The following EML4 variants were observed in gnomAD, a reference collection of about 807,000 sequenced individuals.
EML4 encodes echinoderm microtubule-associated protein-like 4.
EML4 carries 72 observed loss-of-function variants against 129.0 expected under a neutral mutation model. The observed-to-expected ratio is 0.56, with a 90% CI of 0.46 to 0.68. The LOEUF (loss-of-function observed/expected upper bound fraction) is 0.68. Ranked by LOEUF, EML4 falls within the 30% of genes least tolerant of loss-of-function variation. The pLI, the probability that EML4 is intolerant of heterozygous loss-of-function variation, is 0.00. For missense variants in EML4, 1,363 were observed against 1,190.6 expected (o/e 1.14, Z -2.13); for synonymous variants, 532 against 405.0 (o/e 1.31, Z -3.77).
chr2:42,177,039 C>T lies in EML4; in HGVS notation c.25+7403C>T, dbSNP rs533050241. ...AACTCCTGACCTCAAGTGATCTGCC[C>T]GCTGAGGCCTCCCAGAGTGCTGGGG... On this transcript the variant is annotated intron_variant, in intron 1 of 22. Coordinates refer to ENST00000318522, the MANE Select transcript of EML4 (RefSeq NM_019063.5). 1.7e-3 allele frequency among the ~76,000 whole-genome samples: 255 copies of T among 152,196 alleles called. 1 individual carries two copies. The highest frequency in any genetic ancestry group is 5.5e-3 in the African/African-American group (229 of 41,528).
intron 9 of EML4, chr2:42,285,982 T>G (rs932116496): frequency 4.1e-5 from 16 of 390,238 alleles, no homozygotes; most frequent in Non-Finnish European, 7.1e-5. Context: ...TAAATGATAA[T>G]TATAATAGTG....
intron 6 of EML4, among the ~76,000 whole-genome samples, chr2:42,266,981 C>A (rs904594964): frequency 6.6e-6 from 1 of 152,114 alleles, no homozygotes; most frequent in African/African-American, 2.4e-5. Context: ...TAAAACTTAA[C>A]CTACATGTAG....
chr2:42,190,204 A>G (rs1436912924), intron 1 of EML4, among the ~76,000 whole-genome samples: 1 of 152,186 alleles, frequency 6.6e-6, no homozygotes, highest in Non-Finnish European at 1.5e-5. Flanking sequence ...TGTTATCTAT[A>G]TTCTCTTTTG....
Position 42,301,222 on chromosome 2 carries a change from T to C in EML4, c.1490-19T>C. On this transcript the variant is annotated intron_variant, in intron 13 of 22. Coordinates refer to ENST00000318522, the MANE Select transcript of EML4 (RefSeq NM_019063.5). Reference sequence around the variant, plus strand: ...AGAAAAGTATTATCACTAGTGTTTTTATTTTTCCCTCATATTAGGTGTATA... The same window carrying C: ...AGAAAAGTATTATCACTAGTGTTTTCATTTTTCCCTCATATTAGGTGTATA... The C allele has an allele frequency of 2.5e-6, 4 of 1,597,532 alleles. No individual in the cohort carries two copies. The highest frequency in any genetic ancestry group is 3.4e-6 in the Non-Finnish European group (4 of 1,173,492).
At chr2:42,178,421 G>C (rs566882635) in intron 1 of EML4, among the ~76,000 whole-genome samples, 8 of 152,060 alleles carry the variant, frequency 5.3e-5, no homozygotes, top group African/African-American at 1.9e-4. Flanking sequence ...ACGTGGTGGT[G>C]CATGCCCAGC....
At chr2:42,251,588 TC>T (rs1675771317) in intron 2 of EML4, among the ~76,000 whole-genome samples, 1 of 152,232 alleles carries the variant, frequency 6.6e-6, no homozygotes, top group Non-Finnish European at 1.5e-5. Context: ...GTACATGTAG[TC>T]CTCAATCTTC....
chr2:42,312,622 C>T (rs189352095), intron 17 of EML4, among the ~76,000 whole-genome samples: 232 of 151,704 alleles, frequency 1.5e-3, no homozygotes, highest in African/African-American at 5.0e-3. Context: ...GGCGCAATCT[C>T]GGCTCACTGC....
intron 3 of EML4, among the ~76,000 whole-genome samples, chr2:42,258,922 C>T (rs370662133): frequency 1.3e-5 from 2 of 152,134 alleles, no homozygotes; most frequent in Non-Finnish European, 2.9e-5. Flanking sequence ...TGATTATAAT[C>T]GAATTACAAA....
rs1667797397 is a variant in EML4, at chr2:42,293,870, A to G, written c.1219-1255A>G. 2.0e-5 allele frequency among the ~76,000 whole-genome samples: 3 copies of G among 152,210 alleles called. No homozygotes were observed. The South Asian group carries it at 6.2e-4, about 32-fold the overall frequency. On this transcript the variant is annotated intron_variant, in intron 11 of 22. Coordinates refer to ENST00000318522, the MANE Select transcript of EML4 (RefSeq NM_019063.5). ...GTGATCCACCCGCCTCAGCCTCCCA[A>G]AATGTTGGGATTACAGGCGTGAGCC... is the stretch of plus-strand genomic sequence containing the variant.
rs1670140747 is a variant in EML4, at chr2:42,332,224, T to G, written c.*2017T>G. 1 of 216,960 alleles carries G rather than the reference T, an allele frequency of 4.6e-6. No individual in the cohort carries two copies. Among genetic ancestry groups the G allele is most frequent in the South Asian group, 1.9e-4 (1 of 5,368 alleles). 13.4% of individuals were successfully genotyped at this position (216,960 alleles called of 1,614,324 possible). A position where few individuals can be genotyped will look rare whatever the true frequency, so the allele number is the denominator to read the frequency against. On this transcript the variant is annotated 3_prime_UTR_variant, in exon 23 of 23. Transcript: ENST00000318522. The stretch of plus-strand genomic sequence containing the variant: ...CAGGGAGTTTATTTGAGGACATCAG[T>G]CACCTTTGGGGTTGCCATGTACAAT...
intron 1 of EML4, among the ~76,000 whole-genome samples, chr2:42,192,326 G>T (rs1395166753): frequency 1.3e-5 from 2 of 148,994 alleles, no homozygotes; most frequent in Non-Finnish European, 3.0e-5. Context: ...TGCAACCTCT[G>T]CCTGCTGGCT....
At chr2:42,228,498 T>C (rs1674119988) in intron 1 of EML4, among the ~76,000 whole-genome samples, 1 of 152,220 alleles carries the variant, frequency 6.6e-6, no homozygotes, top group East Asian at 1.9e-4. Context: ...TAGTATTCAA[T>C]ACTTATATCA....
In EML4 at chr2:42,256,416, C is replaced by T. The variant is rs941624748; in HGVS notation, c.209-85C>T. ...TTAATTTTTTTTCTACCACCCCCTC[C>T]TTCCAAATGGACTTAATTTTAAAAT... On this transcript the variant is annotated intron_variant, in intron 2 of 22. Transcript: ENST00000318522. 18 of 1,386,676 alleles carry T rather than the reference C, an allele frequency of 1.3e-5. No individual in the cohort carries two copies. The Middle Eastern group carries it at 5.7e-4, about 44-fold the overall frequency. The allele number at this position is 1,386,676 out of a possible 1,614,324, so 85.9% of individuals were successfully genotyped here.
chr2:42,280,499 A>C (rs1179376916), intron 6 of EML4, among the ~76,000 whole-genome samples: 1 of 152,230 alleles, frequency 6.6e-6, no homozygotes, highest in African/African-American at 2.4e-5. Flanking sequence ...GAATATATGC[A>C]GACTTTTGTC....
chr2:42,286,188 T>TA (rs771776043), intron 9 of EML4, 81 bp from the exon 10 acceptor site: 1 of 828,856 alleles, frequency 1.2e-6, no homozygotes, highest in Non-Finnish European at 2.2e-6. Flanking sequence ...ATTACTTTTT[T>TA]AAATGGCATT....
chr2:42,178,624 C>G (rs1287017210), intron 1 of EML4, among the ~76,000 whole-genome samples: 1 of 152,090 alleles, frequency 6.6e-6, no homozygotes, highest in Non-Finnish European at 1.5e-5. Context: ...GTGAGAGATC[C>G]CTGGGAGCCA....
At chr2:42,208,658 C>A (rs1558503393) in intron 1 of EML4, among the ~76,000 whole-genome samples, 2 of 152,004 alleles carry the variant, frequency 1.3e-5, no homozygotes, top group South Asian at 4.1e-4. Context: ...TGGTCTTGAA[C>A]TCCTGACCTC....
intron 1 of EML4, among the ~76,000 whole-genome samples, chr2:42,190,060 A>G (rs759464235): frequency 5.9e-5 from 9 of 152,062 alleles, no homozygotes; most frequent in Non-Finnish European, 8.8e-5. Flanking sequence ...TTGATTTTAA[A>G]TTTAGAAATG....
intron 6 of EML4, among the ~76,000 whole-genome samples, chr2:42,274,813 C>T (rs17029509): frequency 0.23 from 34,618 of 151,988 alleles, 4,765 homozygotes; most frequent in East Asian, 0.56. Flanking sequence ...GAGCAAAACC[C>T]AAGGAAACTG....
Sources: gnomAD v4.1 joint callset for allele counts (sites outside exome capture counted in the v4.1 genomes callset) on GRCh38, gnomAD v4.1.1 for gene constraint, MANE v1.5 for transcripts, NCBI Gene and HGNC (gene_info 2026-07-23, HGNC 2026-07-21) for gene names.